SV2C: variants seen among roughly 807,000 people sequenced by gnomAD.
SV2C encodes the protein synaptic vesicle glycoprotein 2C.
In SV2C, 49 loss-of-function variants were observed where a neutral mutation model predicts 79.7. The observed-to-expected ratio is 0.61, with a 90% CI of 0.49 to 0.78. The LOEUF (loss-of-function observed/expected upper bound fraction) is 0.78, where lower values mean the gene tolerates loss of function less well. SV2C is among the 30% of genes least tolerant of loss of function. SV2C has a pLI of 0.00. For missense variants in SV2C, 833 were observed against 912.9 expected (o/e 0.91, Z 1.13); for synonymous variants, 334 against 333.2 (o/e 1.00, Z -0.03).
At chr5:75,894,182 C>G in the SV2C span, among the ~76,000 whole-genome samples, 1 of 152,050 alleles carries the variant, frequency 6.6e-6, no homozygotes, top group Non-Finnish European at 1.5e-5. Flanking sequence ...TGGCAGTACT[C>G]TAGCCCAGAG....
chr5:76,250,837 T>A (rs1050439346), intron 4 of SV2C, among the ~76,000 whole-genome samples: 1 of 152,198 alleles, frequency 6.6e-6, no homozygotes, highest in African/African-American at 2.4e-5. Context: ...TGGACGTTTT[T>A]TTTTCTTGTG....
chr5:76,195,949 T>C (rs1453209297), intron 3 of SV2C, among the ~76,000 whole-genome samples: 1 of 152,164 alleles, frequency 6.6e-6, no homozygotes, highest in African/African-American at 2.4e-5. Context: ...TGATTCATGA[T>C]TAAGAACTTA....
the SV2C span, among the ~76,000 whole-genome samples, chr5:75,928,631 A>G: frequency 2.9e-3 from 447 of 152,186 alleles, 4 homozygotes; most frequent in Non-Finnish European, 5.3e-3. Context: ...AATGATTACA[A>G]TCCCCATTTT....
chr5:76,271,616 CTTTTTT>C (rs34458409), intron 4 of SV2C, among the ~76,000 whole-genome samples: 3 of 96,062 alleles, frequency 3.1e-5, no homozygotes, highest in African/African-American at 1.2e-4. Flanking sequence ...AGCATGTGTT[CTTTTTT>C]TTTTTTTTTT....
chr5:76,321,745 T>TG (rs1748836428), intron 12 of SV2C, among the ~76,000 whole-genome samples: 1 of 112,376 alleles, frequency 8.9e-6, no homozygotes, highest in African/African-American at 3.5e-5. Flanking sequence ...CTATCATCTC[T>TG]GAAAAAAAAA....
At chr5:76,027,959 T>G in the SV2C span, among the ~76,000 whole-genome samples, 46 of 152,328 alleles carry the variant, frequency 3.0e-4, no homozygotes, top group Non-Finnish European at 4.3e-4. Context: ...TTTCTTCAAG[T>G]GCATGTGTTA....
Position 76,209,881 on chromosome 5 carries a change from C to T in SV2C, c.907C>T (p.His303Tyr), listed in dbSNP as rs1744719130. The T allele has an allele frequency of 1.2e-6, 2 of 1,612,704 alleles. No homozygotes were observed. Among genetic ancestry groups the T allele is most frequent in the Non-Finnish European group, 1.7e-6 (2 of 1,179,294 alleles). The change falls in exon 4 of 13, where the codon CAC becomes TAC. Residue 303 changes from histidine to tyrosine, a missense_variant. By Grantham distance (83) the His-to-Tyr change is moderately conservative. Coordinates refer to ENST00000502798, the MANE Select transcript of SV2C (RefSeq NM_014979.4). Reference sequence around the variant, plus strand: ...TGCCATGGCCTGGGCCATCATCCCGCACTACGGTAAGAGGCTGGCCTTGCC... The same window carrying T: ...TGCCATGGCCTGGGCCATCATCCCGTACTACGGTAAGAGGCTGGCCTTGCC... Reference protein sequence around the residue: ...ASAMAWAIIPHYGWSFSMGSA... With the variant: ...ASAMAWAIIPYYGWSFSMGSA...
chr5:76,156,717 A>T (rs1213354933), intron 2 of SV2C, among the ~76,000 whole-genome samples: 2 of 152,222 alleles, frequency 1.3e-5, no homozygotes, highest in African/African-American at 2.4e-5. Flanking sequence ...TAAATGAGAT[A>T]TAAATTTTAA....
the SV2C span, among the ~76,000 whole-genome samples, chr5:75,954,081 T>C: frequency 6.6e-6 from 1 of 151,922 alleles, no homozygotes; most frequent in Non-Finnish European, 1.5e-5. Flanking sequence ...GAGATGGTGA[T>C]TTGTCCTGGC....
the SV2C span, among the ~76,000 whole-genome samples, chr5:75,939,736 G>A: frequency 6.6e-6 from 1 of 152,074 alleles, no homozygotes. Flanking sequence ...AAATGCAGTT[G>A]ACTCCCAAAT....
At chr5:75,847,733 A>G in the SV2C span, among the ~76,000 whole-genome samples, 9 of 152,186 alleles carry the variant, frequency 5.9e-5, no homozygotes, top group Non-Finnish European at 1.0e-4. Flanking sequence ...AAAGGTTTGT[A>G]TTTCTGTTCC....
At chr5:76,219,971 G>A (rs563841131) in intron 4 of SV2C, among the ~76,000 whole-genome samples, 146 of 152,254 alleles carry the variant, frequency 9.6e-4, no homozygotes, top group Non-Finnish European at 1.8e-3. Context: ...CTTAAAATGG[G>A]GAAATGGGCT....
At chr5:75,980,392 C>G in the SV2C span, among the ~76,000 whole-genome samples, 7 of 152,084 alleles carry the variant, frequency 4.6e-5, no homozygotes, top group African/African-American at 1.7e-4. Flanking sequence ...GATACCAAAA[C>G]CTGGCAGAGA....
At chr5:76,000,457 GGCC>G in the SV2C span, among the ~76,000 whole-genome samples, 1 of 152,052 alleles carries the variant, frequency 6.6e-6, no homozygotes. Flanking sequence ...CATAATGCTG[GGCC>G]TGCCTCACAT....
intron 1 of SV2C, among the ~76,000 whole-genome samples, chr5:76,084,855 G>A (rs1017241290): frequency 2.6e-5 from 4 of 151,968 alleles, no homozygotes; most frequent in African/African-American, 7.2e-5. Context: ...GGCGCGGGGC[G>A]GCGAGGAAAG....
chr5:76,227,284 C>T (rs1745279942), intron 4 of SV2C, among the ~76,000 whole-genome samples: 1 of 152,164 alleles, frequency 6.6e-6, no homozygotes, highest in African/African-American at 2.4e-5. Context: ...CTTCCCTCTG[C>T]CATATGTGGT....
chr5:76,294,640 T>A (rs1747681580), intron 8 of SV2C, among the ~76,000 whole-genome samples: 1 of 152,210 alleles, frequency 6.6e-6, no homozygotes, highest in African/African-American at 2.4e-5. Flanking sequence ...AATTTTTACC[T>A]TCTTTTTTTC....
chr5:76,268,125 C>G (rs908472321), intron 4 of SV2C, among the ~76,000 whole-genome samples: 1 of 152,120 alleles, frequency 6.6e-6, no homozygotes, highest in Non-Finnish European at 1.5e-5. Context: ...TGTGGAGAAG[C>G]AGGCTGGGGC....
At chr5:75,930,945 C>T in the SV2C span, among the ~76,000 whole-genome samples, 2 of 152,070 alleles carry the variant, frequency 1.3e-5, no homozygotes, top group Non-Finnish European at 2.9e-5. Context: ...ACCAGCCTGG[C>T]CAACATGGCG....
Sources: allele counts gnomAD v4.1 joint callset (sites outside exome capture counted in the v4.1 genomes callset), GRCh38; gene constraint gnomAD v4.1.1; transcripts MANE v1.5; gene names NCBI Gene and HGNC (gene_info 2026-07-23, HGNC 2026-07-21).